SYNPO2: variants seen among roughly 807,000 people sequenced by gnomAD.
SYNPO2 encodes the protein synaptopodin-2.
Under a neutral mutation model 85.0 loss-of-function variants are expected in SYNPO2, and 56 were observed. The observed-to-expected ratio is 0.66, with a 90% CI of 0.53 to 0.82. SYNPO2 has a LOEUF of 0.82. SYNPO2 is among the 40% of genes least tolerant of loss of function. The pLI, the probability that SYNPO2 is intolerant of heterozygous loss-of-function variation, is 0.00. For missense variants in SYNPO2, 1,575 were observed against 1,534.2 expected (o/e 1.03, Z -0.44); for synonymous variants, 602 against 591.1 (o/e 1.02, Z -0.27).
chr4:119,030,668 C>T lies in SYNPO2; in HGVS notation c.1893C>T (p.Ala631=), dbSNP rs1246552835. Residue 631 remains alanine (A), a synonymous_variant, in exon 4 of 5, where the codon GCC becomes GCT. Transcript: ENST00000307142. ...PYSAVTPPPD[A]FSRGVSSPIA... ...CTGCAGTCACTCCTCCCCCTGACGC[C>T]TTCTCCAGAGGGGTTTCAAGTCCGA... 1.9e-6 allele frequency: 3 copies of T among 1,614,170 alleles called. No individual in the cohort carries two copies. The highest frequency in any genetic ancestry group is 2.5e-6 in the Non-Finnish European group (3 of 1,180,028).
chr4:119,008,988 A>G (rs1737187566), intron 1 of SYNPO2, among the ~76,000 whole-genome samples: 1 of 152,212 alleles, frequency 6.6e-6, no homozygotes, highest in Admixed American at 6.5e-5. Context: ...ATTTGGTTTC[A>G]AATGAAAATC....
chr4:118,941,655 C>A (rs1734316094), intron 1 of SYNPO2, among the ~76,000 whole-genome samples: 1 of 152,146 alleles, frequency 6.6e-6, no homozygotes, highest in Admixed American at 6.5e-5. Context: ...GATAGGGTCC[C>A]CTTTCTGTCT....
At chr4:119,027,640 ATAGATT>A (rs1738029797) in intron 3 of SYNPO2, among the ~76,000 whole-genome samples, 1 of 152,250 alleles carries the variant, frequency 6.6e-6, no homozygotes, top group African/African-American at 2.4e-5. Flanking sequence ...CGAACTTCAT[ATAGATT>A]TAAACATTTT....
intron 1 of SYNPO2, among the ~76,000 whole-genome samples, chr4:118,870,008 C>G (rs1169556596): frequency 6.6e-6 from 1 of 152,182 alleles, no homozygotes; most frequent in Non-Finnish European, 1.5e-5. Context: ...TATTTCAGCA[C>G]GGTGTGAGCA....
Position 118,943,151 on chromosome 4 carries a change from T to A in SYNPO2, c.105+54010T>A, listed in dbSNP as rs575257379. 3.2e-4 allele frequency among the ~76,000 whole-genome samples: 49 copies of A among 151,936 alleles called. 1 individual carries two copies. The South Asian group carries it at 3.7e-3, about 12-fold the overall frequency. ...TAGTGTTGAGGTTGAAAAAAAACTT[T>A]ATTAAAGGATGGTGTGTTGACAAGT... On this transcript the variant is annotated intron_variant, in intron 1 of 4. Transcript: ENST00000307142.
At position 118,935,330 on chromosome 4, in the gene SYNPO2, T is replaced by C. The variant is rs151321045; in HGVS notation, c.105+46189T>C. On this transcript the variant is annotated intron_variant, in intron 1 of 4. Coordinates refer to ENST00000307142, the MANE Select transcript of SYNPO2 (RefSeq NM_133477.3). ...GTAAAATATACACAGCCAGAATGAG[T>C]GCCAAAAATATGTTTTGGAACATGA... Among the ~76,000 whole-genome samples the C allele has an allele frequency of 3.6e-3, 542 of 152,288 alleles. 2 individuals carry two copies. The highest frequency in any genetic ancestry group is 0.011 in the South Asian group (55 of 4,826).
intron 1 of SYNPO2, among the ~76,000 whole-genome samples, chr4:118,929,359 T>C (rs1733842478): frequency 6.6e-6 from 1 of 152,152 alleles, no homozygotes; most frequent in Non-Finnish European, 1.5e-5. Context: ...AACTGAGTTG[T>C]ATGTATCTCT....
chr4:119,025,784 T>C lies in SYNPO2; in HGVS notation c.258-843T>C, dbSNP rs75864891. Reference sequence around the variant, plus strand: ...AATACCTCTAAAAACATTTACAGTTTAAATTAGAGTTTCAGAAAGAAGTTA... The same window carrying C: ...AATACCTCTAAAAACATTTACAGTTCAAATTAGAGTTTCAGAAAGAAGTTA... On this transcript the variant is annotated intron_variant, in intron 2 of 4. Transcript: ENST00000307142. Among the ~76,000 whole-genome samples, 815 of 152,350 alleles carry C rather than the reference T, an allele frequency of 5.3e-3. 9 individuals carry two copies. The highest frequency in any genetic ancestry group is 0.019 in the African/African-American group (774 of 41,584).
chr4:119,031,607 T>A lies in SYNPO2; in HGVS notation c.2832T>A (p.Ala944=). Reference sequence around the variant, plus strand: ...CTGCTCTCAAGTCTCAGCCATCAGCTGCACAGCCCTCCAAAATGGGCAAGA... The same window carrying A: ...CTGCTCTCAAGTCTCAGCCATCAGCAGCACAGCCCTCCAAAATGGGCAAGA... ...PLAALKSQPS[A]AQPSKMGKKK... The change falls in exon 4 of 5, where the codon GCT becomes GCA. Residue 944 remains alanine, a synonymous_variant. Coordinates refer to ENST00000307142, the MANE Select transcript of SYNPO2 (RefSeq NM_133477.3). 6.2e-7 allele frequency: 1 copy of A among 1,614,146 alleles called. No homozygotes were observed. Among genetic ancestry groups the A allele is most frequent in the South Asian group, 1.1e-5 (1 of 91,078 alleles).
chr4:118,980,765 T>C (rs979691993), intron 1 of SYNPO2, among the ~76,000 whole-genome samples: 1 of 152,204 alleles, frequency 6.6e-6, no homozygotes, highest in African/African-American at 2.4e-5. Flanking sequence ...AAAGTGAACC[T>C]GGTTTAGTTA....
At chr4:118,936,514 C>T (rs1021183004) in intron 1 of SYNPO2, among the ~76,000 whole-genome samples, 2 of 152,086 alleles carry the variant, frequency 1.3e-5, no homozygotes, top group African/African-American at 4.8e-5. Flanking sequence ...TGGCCGTGTT[C>T]AGATACTATT....
chr4:119,057,829 A>C lies in SYNPO2; in HGVS notation c.3681A>C (p.Arg1227Ser), dbSNP rs372414505. The change falls in exon 5 of 5, where the codon AGA becomes AGC. Residue 1227 changes from arginine (R) to serine (S), a missense_variant. Transcript: ENST00000307142. ...LPYAYYRQAS[R>S]NDSAIMSMET... ...ATGCATATTATAGGCAGGCTTCAAG[A>C]AATGATTCTGCAATCATGTCCATGG... The C allele has an allele frequency of 3.7e-6, 6 of 1,613,970 alleles. No individual in the cohort carries two copies. The African/African-American group carries it at 8.0e-5, about 22-fold the overall frequency.
intron 1 of SYNPO2, among the ~76,000 whole-genome samples, chr4:118,967,518 C>T (rs977533217): frequency 6.6e-6 from 1 of 152,234 alleles, no homozygotes; most frequent in African/African-American, 2.4e-5. Context: ...ACAAAAACCA[C>T]AGCTCCTCTT....
chr4:118,860,594 T>C (rs1185841809), intron 1 of SYNPO2, among the ~76,000 whole-genome samples: 1 of 149,578 alleles, frequency 6.7e-6, no homozygotes, highest in East Asian at 1.9e-4. Context: ...TCTCACTCTG[T>C]TGCCAGGCTG....
chr4:118,923,630 T>C (rs184002035), intron 1 of SYNPO2, among the ~76,000 whole-genome samples: 123 of 152,274 alleles, frequency 8.1e-4, no homozygotes, highest in Non-Finnish European at 1.2e-3. Flanking sequence ...TATTGAACTT[T>C]GAGTTTGCTT....
At chr4:119,024,881 T>A (rs1737873185) in intron 2 of SYNPO2, among the ~76,000 whole-genome samples, 1 of 152,200 alleles carries the variant, frequency 6.6e-6, no homozygotes, top group African/African-American at 2.4e-5. Context: ...TTTTTACTTT[T>A]CCTGAACTAT....
At chr4:119,008,356 G>C (rs531909848) in intron 1 of SYNPO2, among the ~76,000 whole-genome samples, 1 of 151,978 alleles carries the variant, frequency 6.6e-6, no homozygotes, top group Non-Finnish European at 1.5e-5. Context: ...TCAGTACTAA[G>C]TGAATGAATG....
At chr4:118,917,307 C>T (rs778447097) in intron 1 of SYNPO2, among the ~76,000 whole-genome samples, 1 of 152,110 alleles carries the variant, frequency 6.6e-6, no homozygotes, top group Non-Finnish European at 1.5e-5. Flanking sequence ...AGGAGAATCG[C>T]TTGAACCCAG....
In SYNPO2 at chr4:119,058,808, C is replaced by T. The variant is rs999369760; in HGVS notation, c.*874C>T. On this transcript the variant is annotated 3_prime_UTR_variant, in exon 5 of 5. Transcript: ENST00000307142. ...ATTTTTTTAAAAAAATCTAATAAATCTTAGATTTTTAAAAAAGAATTAAAA... is the reference window on the plus strand; with the variant it reads ...ATTTTTTTAAAAAAATCTAATAAATTTTAGATTTTTAAAAAAGAATTAAAA... The T allele has an allele frequency of 6.6e-6, 1 of 151,936 alleles. No individual in the cohort carries two copies. Among genetic ancestry groups the T allele is most frequent in the Non-Finnish European group, 1.5e-5 (1 of 68,020 alleles). The allele number at this position is 151,936 out of a possible 1,614,324, so 9.4% of individuals were successfully genotyped here.
Sources: allele counts gnomAD v4.1 joint callset (sites outside exome capture counted in the v4.1 genomes callset), GRCh38; gene constraint gnomAD v4.1.1; transcripts MANE v1.5; gene names NCBI Gene and HGNC (gene_info 2026-07-23, HGNC 2026-07-21).